Variants in TTC27 observed in about 807,000 individuals in gnomAD.
The protein encoded by TTC27 is tetratricopeptide repeat domain 27.
TTC27 carries 79 observed loss-of-function variants against 115.9 expected under a neutral mutation model. The observed-to-expected ratio is 0.68, with a 90% CI of 0.57 to 0.82. The LOEUF is 0.82. Among genes scored for constraint, TTC27 ranks in the 40% least tolerant of loss-of-function variants. TTC27 has a pLI of 0.00. For missense variants in TTC27, 1,054 were observed against 993.1 expected (o/e 1.06, Z -0.82); for synonymous variants, 401 against 356.0 (o/e 1.13, Z -1.42).
At position 32,758,533 on chromosome 2, in the gene TTC27, T is replaced by C; in HGVS notation, c.1680+14T>C. ...AATCCCATGCAGGTTAGACAACTCA[T>C]AACCCCCTGCTGCTCTCAGCGCTTG... On this transcript the variant is annotated intron_variant, in intron 13 of 19. Coordinates refer to ENST00000317907, the MANE Select transcript of TTC27 (RefSeq NM_017735.5). The C allele has an allele frequency of 6.2e-7, 1 of 1,610,268 alleles. No individual in the cohort carries two copies. The highest frequency in any genetic ancestry group is 8.5e-7 in the Non-Finnish European group (1 of 1,176,628).
At chr2:32,779,191 C>G (rs1670094092) in intron 14 of TTC27, among the ~76,000 whole-genome samples, 1 of 152,040 alleles carries the variant, frequency 6.6e-6, no homozygotes, top group African/African-American at 2.4e-5. Context: ...CCACCTTACT[C>G]CAGCCTGGGT....
intron 13 of TTC27, among the ~76,000 whole-genome samples, chr2:32,767,735 A>G (rs1669687515): frequency 6.6e-6 from 1 of 152,102 alleles, no homozygotes; most frequent in Non-Finnish European, 1.5e-5. Context: ...TGCTGGGATT[A>G]CAGGCGTGAG....
chr2:32,631,320 C>CA (rs1052474409), intron 2 of TTC27, among the ~76,000 whole-genome samples: 1 of 151,868 alleles, frequency 6.6e-6, no homozygotes, highest in Non-Finnish European at 1.5e-5. Flanking sequence ...AACCAAAAAA[C>CA]AAAAAACATA....
intron 9 of TTC27, among the ~76,000 whole-genome samples, chr2:32,683,762 A>T (rs1666526726): frequency 1.3e-5 from 2 of 152,178 alleles, no homozygotes; most frequent in Admixed American, 1.3e-4. Context: ...CCTTCAGATG[A>T]GCCACGTCAT....
rs779246779 is a variant in TTC27 at position 32,630,560 on chromosome 2, C to T, written c.126C>T (p.Asn42=). The T allele has an allele frequency of 1.2e-6, 2 of 1,612,040 alleles. No homozygotes were observed. Among genetic ancestry groups the T allele is most frequent in the South Asian group, 2.2e-5 (2 of 90,846 alleles). The change falls in exon 2 of 20, where the codon AAC becomes AAT. Residue 42 remains asparagine, a synonymous_variant. Transcript: ENST00000317907. ...TCCTACAATTGCTACTGGAAGGGAA[C>T]TATGAAGCCATATTCTTAAATTCAA... is the stretch of plus-strand genomic sequence containing the variant. ...GSFLQLLLEG[N]YEAIFLNSMT... is the part of the protein sequence containing the mutation.
intron 17 of TTC27, among the ~76,000 whole-genome samples, 179 bp downstream of exon 17, chr2:32,811,400 G>A (rs1671312312): frequency 6.6e-6 from 1 of 152,186 alleles, no homozygotes; most frequent in Non-Finnish European, 1.5e-5. Flanking sequence ...GTTAAAACTT[G>A]TAACATTCAT....
At chr2:32,683,290 A>G (rs1473753752) in intron 9 of TTC27, among the ~76,000 whole-genome samples, 2 of 152,120 alleles carry the variant, frequency 1.3e-5, no homozygotes, top group Non-Finnish European at 2.9e-5. Flanking sequence ...CGCCCGGCCA[A>G]TAGAAGTCTT....
chr2:32,802,919 A>G (rs1289783426), intron 16 of TTC27, among the ~76,000 whole-genome samples: 4 of 152,112 alleles, frequency 2.6e-5, no homozygotes, highest in Non-Finnish European at 4.4e-5. Flanking sequence ...CACATAGTCT[A>G]TTCAATTTGT....
At chr2:32,712,843 A>G (rs1667628838) in intron 10 of TTC27, among the ~76,000 whole-genome samples, 1 of 152,114 alleles carries the variant, frequency 6.6e-6, no homozygotes, top group Admixed American at 6.6e-5. Flanking sequence ...CACTGCACCC[A>G]GCCTTAAATT....
intron 10 of TTC27, among the ~76,000 whole-genome samples, chr2:32,710,439 T>C (rs1040449038): frequency 6.6e-6 from 1 of 150,424 alleles, no homozygotes; most frequent in Non-Finnish European, 1.5e-5. Flanking sequence ...TTTTTTTTTT[T>C]TTTTTCTGAG....
chr2:32,629,601 AT>A (rs367775246), intron 1 of TTC27, among the ~76,000 whole-genome samples: 83,781 of 148,822 alleles, frequency 0.56, 23,992 homozygotes, highest in African/African-American at 0.67. Context: ...CGACCAGCTA[AT>A]TTTTTTTTTT....
chr2:32,631,401 C>G (rs1294527428), intron 2 of TTC27, among the ~76,000 whole-genome samples: 1 of 152,102 alleles, frequency 6.6e-6, no homozygotes, highest in East Asian at 1.9e-4. Flanking sequence ...AGATTATTAT[C>G]TTTATAGAGC....
chr2:32,791,243 G>A (rs1670524547), intron 16 of TTC27, among the ~76,000 whole-genome samples: 1 of 152,018 alleles, frequency 6.6e-6, no homozygotes, highest in African/African-American at 2.4e-5. Flanking sequence ...TTTCCCCAAG[G>A]TAAATTCTGA....
chr2:32,767,724 G>A (rs1669687087), intron 13 of TTC27, among the ~76,000 whole-genome samples: 1 of 151,174 alleles, frequency 6.6e-6, no homozygotes, highest in South Asian at 2.1e-4. Flanking sequence ...GCCTCCCAAA[G>A]TGCTGGGATT....
At chr2:32,675,791 T>TG (rs1299261665) in intron 8 of TTC27, among the ~76,000 whole-genome samples, 3 of 151,936 alleles carry the variant, frequency 2.0e-5, no homozygotes, top group Admixed American at 6.6e-5. Context: ...AATTCTTTTT[T>TG]TTTTGTTTTG....
chr2:32,671,686 A>T lies in TTC27; in HGVS notation c.940-586A>T, dbSNP rs1431015588. Among the ~76,000 whole-genome samples, 5 of 152,208 alleles carry T rather than the reference A, an allele frequency of 3.3e-5. No homozygotes were observed. The East Asian group carries it at 9.6e-4, about 29-fold the overall frequency. ...TATTGTCGATCATTTGCATTTCCAT[A>T]TAAATTTTAGAATGAGCTTGTCACA... On this transcript the variant is annotated intron_variant, in intron 7 of 19. Coordinates refer to ENST00000317907, the MANE Select transcript of TTC27 (RefSeq NM_017735.5).
At chr2:32,644,892 G>A (rs1664795466) in intron 4 of TTC27, among the ~76,000 whole-genome samples, 1 of 54,814 alleles carries the variant, frequency 1.8e-5, no homozygotes, top group Non-Finnish European at 3.4e-5. Context: ...TTTTTTTTTG[G>A]AGATGTTGTC....
chr2:32,815,223 ATTTTTTTT>A (rs533493768), intron 18 of TTC27, among the ~76,000 whole-genome samples: 610 of 55,450 alleles, frequency 0.011, 7 homozygotes, highest in Admixed American at 0.027. Context: ...GCTGCTTCAG[ATTTTTTTT>A]TTTTTTTTTT....
intron 10 of TTC27, 119 bp from the exon 11 acceptor site, chr2:32,733,709 A>T (rs1350655077): frequency 3.6e-6 from 2 of 554,434 alleles, no homozygotes; most frequent in Non-Finnish European, 5.8e-6. Flanking sequence ...CTATCACCTT[A>T]TCAAAATGAC....
Sources: gnomAD v4.1 joint callset for allele counts (sites outside exome capture counted in the v4.1 genomes callset) on GRCh38, gnomAD v4.1.1 for gene constraint, MANE v1.5 for transcripts, NCBI Gene and HGNC (gene_info 2026-07-23, HGNC 2026-07-21) for gene names.